The following CD200 variants were observed in gnomAD, a reference collection of about 807,000 sequenced individuals.
CD200 encodes OX-2 membrane glycoprotein.
In CD200, 15 loss-of-function variants were observed where a neutral mutation model predicts 30.9. The ratio of observed to expected loss-of-function variants is 0.49; its 90% CI spans 0.32 to 0.75. The LOEUF is 0.75. Ranked by LOEUF, CD200 falls within the 30% of genes least tolerant of loss-of-function variation. The pLI, the probability that CD200 is intolerant of heterozygous loss-of-function variation, is 0.03. For missense variants in CD200, 262 were observed against 324.2 expected, an observed-to-expected ratio of 0.81 and a Z score of 1.47; for synonymous variants, 134 against 126.2, an observed-to-expected ratio of 1.06 and a Z score of -0.41.
chr3:112,349,790 A>G lies in CD200; in HGVS notation c.773A>G (p.Tyr258Cys). The G allele has an allele frequency of 6.2e-7, 1 of 1,611,212 alleles. No individual in the cohort carries two copies. Among genetic ancestry groups the G allele is most frequent in the Non-Finnish European group, 8.5e-7 (1 of 1,178,578 alleles). ...ILLVLISILLYWKRHRNQDRE... is the reference protein window; with the variant it reads ...ILLVLISILLCWKRHRNQDRE... ...CTCGTCCTAATCTCAATCTTACTGT[A>G]CTGGAAACGTCACCGGAATCAGGAC... Residue 258 changes from tyrosine to cysteine, a missense_variant, in exon 5 of 6, where the codon TAC becomes TGC. Tyr to Cys is a radical substitution (Grantham distance 194). Coordinates refer to ENST00000315711, the MANE Select transcript of CD200 (RefSeq NM_005944.7).
intron 5 of CD200, among the ~76,000 whole-genome samples, chr3:112,353,358 A>G (rs186141980): frequency 1.2e-3 from 184 of 152,314 alleles, no homozygotes; most frequent in Non-Finnish European, 2.2e-3. Flanking sequence ...GGAGAACAAT[A>G]GAAAATTTAG....
At position 112,333,230 on chromosome 3, in the gene CD200, C is replaced by A. The variant is rs1051914431; in HGVS notation, c.12+6C>A. The A allele has an allele frequency of 1.9e-6, 3 of 1,549,416 alleles. No homozygotes were observed. Among genetic ancestry groups the A allele is most frequent in the Non-Finnish European group, 2.6e-6 (3 of 1,146,312 alleles). ...GAGCAAGGATGGAGAGGCTGGTGAG[C>A]GGGGCCGGGGCTTGGGAAGGAGGGC... On this transcript the variant is annotated splice_donor_region_variant and intron_variant, in intron 1 of 5. Coordinates refer to ENST00000315711, the MANE Select transcript of CD200 (RefSeq NM_005944.7).
chr3:112,357,919 T>C (rs554911018), intron 5 of CD200, among the ~76,000 whole-genome samples: 14 of 152,330 alleles, frequency 9.2e-5, no homozygotes, highest in African/African-American at 3.4e-4. Context: ...ATGTGAGTTA[T>C]GCATACATTT....
chr3:112,333,930 T>A (rs1228552837), intron 1 of CD200: 1 of 983,654 alleles, frequency 1.0e-6, no homozygotes, highest in East Asian at 1.1e-4. Context: ...TTTTCATATA[T>A]CCCATTGGTA....
chr3:112,348,036 C>T (rs2081441850), intron 4 of CD200, among the ~76,000 whole-genome samples: 1 of 152,194 alleles, frequency 6.6e-6, no homozygotes, highest in Admixed American at 6.5e-5. Context: ...TCATTGCCCA[C>T]ACACCAAATG....
intron 1 of CD200, chr3:112,334,298 G>T: frequency 1.0e-6 from 1 of 975,990 alleles, no homozygotes; most frequent in Non-Finnish European, 1.2e-6. Flanking sequence ...GTGGGCAGCT[G>T]TCTGGTAAGA....
At chr3:112,343,611 A>C (rs1347172281) in intron 2 of CD200, among the ~76,000 whole-genome samples, 1 of 152,130 alleles carries the variant, frequency 6.6e-6, no homozygotes, top group Non-Finnish European at 1.5e-5. Flanking sequence ...GTAGTTTTTC[A>C]AATTTCCTAT....
intron 5 of CD200, among the ~76,000 whole-genome samples, chr3:112,352,062 G>C (rs1382524654): frequency 6.6e-6 from 1 of 152,116 alleles, no homozygotes; most frequent in Non-Finnish European, 1.5e-5. Flanking sequence ...TTCAACATAA[G>C]GTTTGCAGGA....
intron 5 of CD200, among the ~76,000 whole-genome samples, chr3:112,358,916 G>A (rs1206352964): frequency 2.7e-5 from 4 of 147,116 alleles, no homozygotes; most frequent in Non-Finnish European, 4.5e-5. Context: ...AGAAAAGTGA[G>A]AGGAAAGAAA....
Position 112,358,086 on chromosome 3 carries a change from A to ACACACG in CD200, c.803-3445_803-3440dup, listed in dbSNP as rs2081662245. Among the ~76,000 whole-genome samples, 10 of 152,156 alleles carry ACACACG rather than the reference A, an allele frequency of 6.6e-5. 1 individual carries two copies. In the South Asian group the frequency reaches 1.5e-3, roughly 22 times the overall value. ...GCAGGGGGCATTCACACACGCGCAC[A>ACACACG]CACACGCACACGCACACACACACAG... On this transcript the variant is annotated intron_variant, in intron 5 of 5. Coordinates refer to ENST00000315711, the MANE Select transcript of CD200 (RefSeq NM_005944.7).
chr3:112,338,148 A>G (rs1255760519), intron 1 of CD200, among the ~76,000 whole-genome samples: 1 of 152,164 alleles, frequency 6.6e-6, no homozygotes, highest in Non-Finnish European at 1.5e-5. Context: ...CAAAACACCT[A>G]GTGTTATGAG....
upstream of CD200, chr3:112,332,864 C>G (rs2081027139): frequency 6.6e-6 from 2 of 301,232 alleles, no homozygotes; most frequent in African/African-American, 2.2e-5. Flanking sequence ...CTGATCTCCA[C>G]AACCTCCCAC....
intron 5 of CD200, among the ~76,000 whole-genome samples, chr3:112,355,287 G>T (rs1478466833): frequency 6.6e-6 from 1 of 152,054 alleles, no homozygotes; most frequent in Admixed American, 6.6e-5. Flanking sequence ...ACCAGGCAAG[G>T]CTTTATTTTC....
At chr3:112,358,072 T>TCA (rs1373748208) in intron 5 of CD200, among the ~76,000 whole-genome samples, 1 of 152,098 alleles carries the variant, frequency 6.6e-6, no homozygotes, top group Non-Finnish European at 1.5e-5. Flanking sequence ...CAGGGGGCAT[T>TCA]CACACACGCG....
chr3:112,346,903 TAATC>T (rs1312893202), intron 3 of CD200, among the ~76,000 whole-genome samples: 2 of 152,226 alleles, frequency 1.3e-5, no homozygotes, highest in Non-Finnish European at 2.9e-5. Flanking sequence ...TTTCTTAACT[TAATC>T]AGGTGATTTC....
chr3:112,337,680 AC>A (rs755894920), intron 1 of CD200, among the ~76,000 whole-genome samples: 3 of 152,196 alleles, frequency 2.0e-5, no homozygotes, highest in Non-Finnish European at 4.4e-5. Flanking sequence ...TGCCTTATGC[AC>A]CATTGTCTCC....
intron 5 of CD200, among the ~76,000 whole-genome samples, chr3:112,353,496 T>C (rs531391936): frequency 1.3e-5 from 2 of 152,322 alleles, no homozygotes; most frequent in South Asian, 4.1e-4. Context: ...CACAATAACC[T>C]AACCTATGAA....
chr3:112,359,511 T>C (rs2081696523), intron 5 of CD200, among the ~76,000 whole-genome samples: 1 of 152,198 alleles, frequency 6.6e-6, no homozygotes, highest in Non-Finnish European at 1.5e-5. Context: ...TAAATGGATG[T>C]TCATGAGACA....
chr3:112,347,913 A>G, intron 4 of CD200, 83 bp downstream of exon 4: 1 of 1,237,528 alleles, frequency 8.1e-7, no homozygotes, highest in Non-Finnish European at 1.1e-6. Context: ...AGAGGTTTTC[A>G]GCCTCTTAGC....
Sources: gnomAD v4.1 joint callset for allele counts (sites outside exome capture counted in the v4.1 genomes callset) on GRCh38, gnomAD v4.1.1 for gene constraint, MANE v1.5 for transcripts, NCBI Gene and HGNC (gene_info 2026-07-23, HGNC 2026-07-21) for gene names.